The following RFX3 variants were observed in gnomAD, a reference collection of about 807,000 sequenced individuals.
RFX3 encodes the protein regulatory factor X3, also known as transcription factor RFX3.
Under a neutral mutation model 98.6 loss-of-function variants are expected in RFX3, and 14 were observed. That is an observed-to-expected ratio of 0.14 (90% CI 0.09 to 0.22). RFX3 has a LOEUF of 0.22. RFX3 is among the 10% of genes least tolerant of loss of function. The pLI is 1.00. For missense variants in RFX3, 639 were observed against 926.9 expected (o/e 0.69, Z 4.03); for synonymous variants, 383 against 328.4 (o/e 1.17, Z -1.80).
At chr9:3,463,092 T>C (rs550130444) in intron 1 of RFX3, among the ~76,000 whole-genome samples, 2 of 151,972 alleles carry the variant, frequency 1.3e-5, no homozygotes, top group Non-Finnish European at 1.5e-5. Flanking sequence ...AAAACACTTT[T>C]GAAACACAAG....
At chr9:3,443,503 A>G (rs1050291621) in intron 1 of RFX3, among the ~76,000 whole-genome samples, 1 of 151,906 alleles carries the variant, frequency 6.6e-6, no homozygotes, top group African/African-American at 2.4e-5. Context: ...ACGGCTTCCA[A>G]CTCCATTCAT....
At chr9:3,250,595 T>A (rs1821255015) in intron 14 of RFX3, among the ~76,000 whole-genome samples, 1 of 152,108 alleles carries the variant, frequency 6.6e-6, no homozygotes, top group South Asian at 2.1e-4. Flanking sequence ...AGCAATCTAA[T>A]TCTAGAAATT....
At position 3,414,924 on chromosome 9, in the gene RFX3, ATATG is replaced by A. The variant is rs199802750; in HGVS notation, c.-8-19332_-8-19329del. Among the ~76,000 whole-genome samples the A allele has an allele frequency of 4.0e-3, 511 of 127,108 alleles. 3 individuals are homozygous for A. The highest frequency in any genetic ancestry group is 0.017 in the African/African-American group (486 of 28,066). The allele number at this position is 127,108 out of a possible 152,430, so 83.4% of individuals were successfully genotyped here. ...AGTATATATACACACATATATACTC[ATATG>A]TGTGTATATATATACACATATATGT... On this transcript the variant is annotated intron_variant, in intron 1 of 16. Transcript: ENST00000617270.
chr9:3,419,475 G>C (rs1339774723), intron 1 of RFX3, among the ~76,000 whole-genome samples: 2 of 152,062 alleles, frequency 1.3e-5, no homozygotes, highest in African/African-American at 4.8e-5. Flanking sequence ...CTGTCTTTTT[G>C]ACACTGAGGC....
At chr9:3,493,640 C>T (rs1311428378) in intron 1 of RFX3, among the ~76,000 whole-genome samples, 5 of 140,694 alleles carry the variant, frequency 3.6e-5, no homozygotes, top group East Asian at 4.2e-4. Context: ...GCCAAGATGG[C>T]GCCACTGCAC....
rs73387726 is a variant in RFX3, at chr9:3,467,879, C to T, written c.-9+57868G>A. Reference sequence around the variant, plus strand: ...AACATTTCCATGGTATAATATGAAGCCCAGCACTCTAGGCTCATCACAGAG... The same window carrying T: ...AACATTTCCATGGTATAATATGAAGTCCAGCACTCTAGGCTCATCACAGAG... On this transcript the variant is annotated intron_variant, in intron 1 of 16. Transcript: ENST00000617270. 6.6e-4 allele frequency among the ~76,000 whole-genome samples: 101 copies of T among 152,256 alleles called. 1 individual carries two copies. The highest frequency in any genetic ancestry group is 2.4e-3 in the African/African-American group (99 of 41,550).
At chr9:3,384,540 T>G (rs1781427215) in intron 2 of RFX3, among the ~76,000 whole-genome samples, 1 of 152,294 alleles carries the variant, frequency 6.6e-6, no homozygotes, top group African/African-American at 2.4e-5. Context: ...TGTTTTAAGC[T>G]TGAGAAATAA....
chr9:3,524,827 GCACACACACACACACACA>G lies in RFX3; in HGVS notation c.-9+902_-9+919del, dbSNP rs34119220. Among the ~76,000 whole-genome samples, 542 of 128,222 alleles carry G rather than the reference GCACACACACACACACACA, an allele frequency of 4.2e-3. 5 individuals carry two copies. Among genetic ancestry groups the G allele is most frequent in the African/African-American group, 0.014 (462 of 33,882 alleles). 84.1% of individuals were successfully genotyped at this position (128,222 alleles called of 152,430 possible). A position where few individuals can be genotyped will look rare whatever the true frequency, so the allele number is the denominator to read the frequency against. On this transcript the variant is annotated intron_variant, in intron 1 of 16. Transcript: ENST00000617270. ...GCCCTGCATCCGGTTTAAATCACAA[GCACACACACACACACACA>G]CACACACACACACACACACACACAC...
chr9:3,409,834 G>T (rs1327646109), intron 1 of RFX3, among the ~76,000 whole-genome samples: 1 of 151,964 alleles, frequency 6.6e-6, no homozygotes, highest in Admixed American at 6.6e-5. Context: ...ATCCAGTGCA[G>T]GCTCCCATTT....
chr9:3,316,480 C>T (rs889390813), intron 4 of RFX3, among the ~76,000 whole-genome samples: 1 of 152,190 alleles, frequency 6.6e-6, no homozygotes, highest in Admixed American at 6.5e-5. Flanking sequence ...CAGGGATACC[C>T]TCTCTCACCG....
At chr9:3,449,886 G>GAA (rs78122917) in intron 1 of RFX3, among the ~76,000 whole-genome samples, 11 of 100,218 alleles carry the variant, frequency 1.1e-4, no homozygotes, top group Admixed American at 5.0e-4. Flanking sequence ...AAAAAGAAAA[G>GAA]AAAAAAAAAA....
intron 1 of RFX3, among the ~76,000 whole-genome samples, chr9:3,406,034 G>T (rs1171359374): frequency 6.6e-6 from 1 of 151,938 alleles, no homozygotes; most frequent in Non-Finnish European, 1.5e-5. Context: ...GGCTCACTCT[G>T]CAGCCTCAAC....
Position 3,293,187 on chromosome 9 carries a change from G to A in RFX3, c.621C>T (p.His207=), listed in dbSNP as rs1004048035. The A allele has an allele frequency of 1.2e-6, 2 of 1,613,338 alleles. No individual in the cohort carries two copies. The highest frequency in any genetic ancestry group is 8.5e-7 in the Non-Finnish European group (1 of 1,179,584). The change falls in exon 6 of 17, where the codon CAC becomes CAT. Residue 207 remains histidine (H), a synonymous_variant. Coordinates refer to ENST00000617270, the MANE Select transcript of RFX3 (RefSeq NM_001282116.2). The part of the protein sequence containing the change: ...VSLPRSTLYN[H]YLRHCQEHKL... ...TGTGTTCCTGACAGTGTCGAAGGTA[G>A]TGGTTGTACAGAGTGCTTCTGGGAA...
At chr9:3,401,430 T>C (rs1841462881) in intron 1 of RFX3, among the ~76,000 whole-genome samples, 1 of 152,230 alleles carries the variant, frequency 6.6e-6, no homozygotes. Flanking sequence ...CTTATGAGTA[T>C]ATTTGAGGTG....
chr9:3,397,020 T>C lies in RFX3; in HGVS notation c.-8-1424A>G, dbSNP rs184104791. On this transcript the variant is annotated intron_variant, in intron 1 of 16. Coordinates refer to ENST00000617270, the MANE Select transcript of RFX3 (RefSeq NM_001282116.2). The stretch of plus-strand genomic sequence containing the variant: ...ATTCGATTATAGTCTTATACAAAGA[T>C]AGCCCCAAATCCATAACATTTAATA... Among the ~76,000 whole-genome samples, 50 of 152,312 alleles carry C rather than the reference T, an allele frequency of 3.3e-4. No homozygotes were observed. In the East Asian group the frequency reaches 9.3e-3, roughly 28 times the overall value.
intron 4 of RFX3, among the ~76,000 whole-genome samples, chr9:3,313,254 G>C (rs1000178579): frequency 6.6e-6 from 1 of 152,104 alleles, no homozygotes; most frequent in Non-Finnish European, 1.5e-5. Flanking sequence ...AAACAAACAG[G>C]GTCTGGAATG....
At chr9:3,401,053 G>C (rs117038280) in intron 1 of RFX3, among the ~76,000 whole-genome samples, 1 of 152,100 alleles carries the variant, frequency 6.6e-6, no homozygotes, top group African/African-American at 2.4e-5. Context: ...GTTCTCAATC[G>C]ATATTACATG....
chr9:3,505,061 A>G (rs1457624943), intron 1 of RFX3, among the ~76,000 whole-genome samples: 6 of 92,656 alleles, frequency 6.5e-5, no homozygotes, highest in Non-Finnish European at 1.1e-4. Flanking sequence ...TATATAAAAT[A>G]TATAATAAAA....
intron 1 of RFX3, chr9:3,400,320 T>TA (rs1013459609): frequency 9.6e-6 from 4 of 417,836 alleles, no homozygotes; most frequent in Non-Finnish European, 1.3e-5. Flanking sequence ...ATAAGATAGG[T>TA]AAAAAACAAT....
Sources: allele counts gnomAD v4.1 joint callset (sites outside exome capture counted in the v4.1 genomes callset), GRCh38; gene constraint gnomAD v4.1.1; transcripts MANE v1.5; gene names NCBI Gene and HGNC (gene_info 2026-07-23, HGNC 2026-07-21).